Variants in MAML1 observed in about 807,000 individuals in gnomAD.
MAML1 encodes mastermind-like protein 1.
MAML1 carries 14 observed loss-of-function variants against 77.1 expected under a neutral mutation model. That is an observed-to-expected ratio of 0.18 (90% CI 0.12 to 0.28). The LOEUF (loss-of-function observed/expected upper bound fraction) is 0.28. Among genes scored for constraint, MAML1 ranks in the 10% least tolerant of loss-of-function variants. MAML1 has a pLI of 1.00. For synonymous variants in MAML1, 516 were observed against 551.9 expected, an observed-to-expected ratio of 0.93 and a Z score of 0.91; for missense variants, 1,217 against 1,327.8, an observed-to-expected ratio of 0.92 and a Z score of 1.30.
At chr5:179,741,102 CA>C (rs1460253435) in intron 1 of MAML1, among the ~76,000 whole-genome samples, 2 of 152,048 alleles carry the variant, frequency 1.3e-5, no homozygotes. Flanking sequence ...TTTTTCCTAC[CA>C]AATCATATGT....
intron 1 of MAML1, among the ~76,000 whole-genome samples, chr5:179,735,685 C>G (rs776548456): frequency 4.1e-4 from 61 of 148,198 alleles, no homozygotes; most frequent in Non-Finnish European, 7.0e-4. Flanking sequence ...GCCACTGCAC[C>G]TAGCCTATTT....
chr5:179,754,023 C>T (rs2113358285), intron 1 of MAML1, among the ~76,000 whole-genome samples: 1 of 152,030 alleles, frequency 6.6e-6, no homozygotes, highest in South Asian at 2.1e-4. Context: ...ATGGCTCACG[C>T]CTGTAATCTC....
intron 3 of MAML1, among the ~76,000 whole-genome samples, chr5:179,770,341 G>A (rs1318900162): frequency 2.6e-5 from 4 of 152,122 alleles, no homozygotes; most frequent in African/African-American, 9.7e-5. Context: ...CCAGCTACTC[G>A]GGAGGCCGAG....
In MAML1 at chr5:179,735,938, G is replaced by A. The variant is rs568378464; in HGVS notation, c.315+2511G>A. On this transcript the variant is annotated intron_variant, in intron 1 of 4. Coordinates refer to ENST00000292599, the MANE Select transcript of MAML1 (RefSeq NM_014757.5). ...CCTGACCTCGTGATCCACCCACCTCGGCCTCCCAAAGTGCTGGGATTACAG... is the reference window on the plus strand; with the variant it reads ...CCTGACCTCGTGATCCACCCACCTCAGCCTCCCAAAGTGCTGGGATTACAG... Among the ~76,000 whole-genome samples the A allele has an allele frequency of 5.5e-4, 84 of 152,038 alleles. 1 individual carries two copies. The highest frequency in any genetic ancestry group is 1.7e-3 in the African/African-American group (71 of 41,454).
chr5:179,736,067 G>A (rs1247211298), intron 1 of MAML1, among the ~76,000 whole-genome samples: 2 of 152,146 alleles, frequency 1.3e-5, no homozygotes, highest in African/African-American at 4.8e-5. Flanking sequence ...TTGGAGGCAG[G>A]GAGGGCTCAC....
chr5:179,751,620 A>C (rs1312913256), intron 1 of MAML1, among the ~76,000 whole-genome samples: 7 of 151,992 alleles, frequency 4.6e-5, no homozygotes, highest in Admixed American at 4.6e-4. Flanking sequence ...CAGGAGAATC[A>C]CTTGAACCCG....
Position 179,766,055 on chromosome 5 carries a change from C to G in MAML1, c.1045C>G (p.His349Asp). Reference protein sequence around the residue: ...PSLGGSQTLFHTSGQPRADNP... With the variant: ...PSLGGSQTLFDTSGQPRADNP... ...CCTAGGGGGCTCCCAAACCTTATTC[C>G]ACACCTCTGGTCAGCCCCGGGCGGA... The change falls in exon 2 of 5, where the codon CAC becomes GAC. Residue 349 changes from histidine to aspartate, a missense_variant. By Grantham distance (81) the His-to-Asp change is moderately conservative. This residue lies in a region of MAML1 where 884 missense variants were observed against 949.3 expected (regional missense o/e 0.93). Coordinates refer to ENST00000292599, the MANE Select transcript of MAML1 (RefSeq NM_014757.5). This position sits in a 1 kb window ranked among gnomAD's most constrained non-coding sequence, Gnocchi z 4.0. 3.1e-6 allele frequency: 5 copies of G among 1,590,152 alleles called. No individual in the cohort carries two copies. Among genetic ancestry groups the G allele is most frequent in the Non-Finnish European group, 4.3e-6 (5 of 1,169,852 alleles).
chr5:179,761,295 G>C (rs574732201), intron 1 of MAML1, among the ~76,000 whole-genome samples: 9 of 152,144 alleles, frequency 5.9e-5, no homozygotes, highest in Non-Finnish European at 1.5e-5. Flanking sequence ...TCAGGAGGCT[G>C]AGGCGGGAGG....
Position 179,733,341 on chromosome 5 carries a change from CCGCCCGCCGCCACGGCCCCGG to C in MAML1, c.241_261del (p.Thr81_Ala87del), listed in dbSNP as rs759633589. On this transcript the variant is annotated inframe_deletion, in exon 1 of 5. Coordinates refer to ENST00000292599, the MANE Select transcript of MAML1 (RefSeq NM_014757.5). ...CAAGCGCGCCGGGAAGCACAGGCAG[CCGCCCGCCGCCACGGCCCCGG>C]CGCCCGCCGCCCCGGCCCCGCGCCT... The C allele has an allele frequency of 3.5e-4, 454 of 1,314,316 alleles. 6 individuals carry two copies. The Admixed American group carries it at 3.6e-3, about 11-fold the overall frequency. 81.4% of individuals were successfully genotyped at this position (1,314,316 alleles called of 1,614,324 possible). A position where few individuals can be genotyped will look rare whatever the true frequency, so the allele number is the denominator to read the frequency against.
chr5:179,752,007 GA>G (rs1010390759), intron 1 of MAML1, among the ~76,000 whole-genome samples: 8 of 148,430 alleles, frequency 5.4e-5, no homozygotes, highest in South Asian at 2.1e-4. Flanking sequence ...TTGTCTCAAA[GA>G]AAAAAAAATA....
Position 179,752,988 on chromosome 5 carries a change from G to T in MAML1, c.316-12338G>T, listed in dbSNP as rs572883769. Among the ~76,000 whole-genome samples the T allele has an allele frequency of 4.0e-3, 608 of 152,266 alleles. 1 individual carries two copies. The highest frequency in any genetic ancestry group is 6.7e-3 in the Non-Finnish European group (453 of 68,016). The stretch of plus-strand genomic sequence containing the variant: ...GGGTTTCACCATGTTGGCCAGGCTG[G>T]TCTTGAACTCCTGACCTCAGGTGAT... On this transcript the variant is annotated intron_variant, in intron 1 of 4. Coordinates refer to ENST00000292599, the MANE Select transcript of MAML1 (RefSeq NM_014757.5).
Position 179,773,957 on chromosome 5 carries a change from G to T in MAML1, c.2131G>T (p.Val711Leu), listed in dbSNP as rs969093307. 8.7e-6 allele frequency: 14 copies of T among 1,614,102 alleles called. No homozygotes were observed. The highest frequency in any genetic ancestry group is 1.3e-5 in the African/African-American group (1 of 74,936). The change falls in exon 5 of 5, where the codon GTG (valine) becomes TTG (leucine). Residue 711 changes from valine to leucine, a missense_variant. Physicochemically the swap from Val to Leu is conservative, Grantham distance 32. Transcript: ENST00000292599. ...TCCATCCAACTCCAGCTGTCCTCGA[G>T]TGTTCCCTCAGGCTGGGAATCTGAT... Reference protein sequence around the residue: ...LGPSNSSCPRVFPQAGNLMPM... With the variant: ...LGPSNSSCPRLFPQAGNLMPM...
At position 179,769,452 on chromosome 5, in the gene MAML1, A is replaced by G. The variant is rs1755923960; in HGVS notation, c.1971+363A>G. ...TTGCTGCCACTACAGAGCCTGTTAT[A>G]AGCCAGAACGTGAAGAGGGAAGTGA... On this transcript the variant is annotated intron_variant, in intron 3 of 4. Transcript: ENST00000292599. This position sits in a 1 kb window ranked among gnomAD's most constrained non-coding sequence, Gnocchi z 4.2. Among the ~76,000 whole-genome samples the G allele has an allele frequency of 1.3e-5, 2 of 152,170 alleles. No homozygotes were observed. Among genetic ancestry groups the G allele is most frequent in the South Asian group, 4.1e-4 (2 of 4,830 alleles).
intron 1 of MAML1, among the ~76,000 whole-genome samples, chr5:179,741,767 G>C (rs1476035190): frequency 1.3e-5 from 2 of 151,908 alleles, no homozygotes; most frequent in African/African-American, 4.8e-5. Flanking sequence ...GTGTTCCATG[G>C]AACACTAATT....
At position 179,733,354 on chromosome 5, in the gene MAML1, C is replaced by A; in HGVS notation, c.242C>A (p.Thr81Lys). Residue 81 changes from threonine (T) to lysine (K), a missense_variant, in exon 1 of 5, where the codon ACG becomes AAG. Physicochemically the swap from Thr to Lys is moderately conservative, Grantham distance 78. This residue lies in a region of MAML1 where 312 missense variants were observed against 331.4 expected (regional missense o/e 0.94). Coordinates refer to ENST00000292599, the MANE Select transcript of MAML1 (RefSeq NM_014757.5). ...AGKHRQPPAATAPAPAAPAPR... is the reference protein window; with the variant it reads ...AGKHRQPPAAKAPAPAAPAPR... ...AAGCACAGGCAGCCGCCCGCCGCCA[C>A]GGCCCCGGCGCCCGCCGCCCCGGCC... 1 of 1,259,488 alleles carries A rather than the reference C, an allele frequency of 7.9e-7. No individual in the cohort carries two copies. The allele number at this position is 1,259,488 out of a possible 1,614,324, so 78.0% of individuals were successfully genotyped here.
chr5:179,756,422 G>A (rs1293649802), intron 1 of MAML1, among the ~76,000 whole-genome samples: 6 of 144,688 alleles, frequency 4.1e-5, no homozygotes, highest in Admixed American at 2.8e-4. Flanking sequence ...CAGACAGAGC[G>A]GGACTCTGTC....
Position 179,768,849 on chromosome 5 carries a change from G to C in MAML1, c.1732-1G>C. 6.2e-7 allele frequency: 1 copy of C among 1,614,126 alleles called. No individual in the cohort carries two copies. The highest frequency in any genetic ancestry group is 8.5e-7 in the Non-Finnish European group (1 of 1,180,006). ...TCACAGTCCCCTATCTGTGTTGACA[G>C]GAGCAGAACCCTTCCAGTGTCCCTG... is the stretch of plus-strand genomic sequence containing the variant. On this transcript the variant is annotated splice_acceptor_variant, in intron 2 of 4. Coordinates refer to ENST00000292599, the MANE Select transcript of MAML1 (RefSeq NM_014757.5). LOFTEE classifies it high-confidence loss of function.
Position 179,774,308 on chromosome 5 carries a change from G to A in MAML1, c.2482G>A (p.Val828Met), listed in dbSNP as rs759065951. The A allele has an allele frequency of 3.1e-6, 5 of 1,613,422 alleles. No individual in the cohort carries two copies. Among genetic ancestry groups the A allele is most frequent in the Admixed American group, 1.7e-5 (1 of 60,012 alleles). Residue 828 changes from valine (V) to methionine (M), a missense_variant, in exon 5 of 5, where the codon GTG (valine) becomes ATG (methionine). By Grantham distance (21) the Val-to-Met change is conservative. This residue lies in a region of MAML1 where 884 missense variants were observed against 949.3 expected (regional missense o/e 0.93). Transcript: ENST00000292599. ...PGLTKPPVPR[V>M]SPAMGGQNSS... Reference sequence around the variant, plus strand: ...TTTAACAAAGCCACCGGTCCCAAGGGTGTCACCAGCCATGGGAGGCCAGAA... The same window carrying A: ...TTTAACAAAGCCACCGGTCCCAAGGATGTCACCAGCCATGGGAGGCCAGAA...
chr5:179,734,470 G>C (rs527269999), intron 1 of MAML1, among the ~76,000 whole-genome samples: 1 of 152,260 alleles, frequency 6.6e-6, no homozygotes, highest in African/African-American at 2.4e-5. Flanking sequence ...CAGGTCCTCT[G>C]CTCTGGTTGA....
Sources: gnomAD v4.1 joint callset for allele counts (sites outside exome capture counted in the v4.1 genomes callset) on GRCh38, gnomAD v4.1.1 for gene constraint, gnomAD v4.1.1 regional missense constraint, Gnocchi (gnomAD v3.1) non-coding constraint, MANE v1.5 for transcripts, NCBI Gene and HGNC (gene_info 2026-07-23, HGNC 2026-07-21) for gene names.